GREB1: variants seen among roughly 807,000 people sequenced by gnomAD.
GREB1 encodes protein GREB1.
A neutral mutation model predicts 200.7 loss-of-function variants in GREB1; 106 were observed. The ratio of observed to expected loss-of-function variants is 0.53; its 90% confidence interval spans 0.45 to 0.62. The LOEUF (loss-of-function observed/expected upper bound fraction) is 0.62, where lower values mean the gene tolerates loss of function less well. GREB1 is among the 20% of genes least tolerant of loss of function. GREB1 has a pLI of 0.00. For missense variants in GREB1, 2,243 were observed against 2,556.8 expected (o/e 0.88, Z 2.65); for synonymous variants, 1,132 against 1,092.4 (o/e 1.04, Z -0.72).
Position 11,580,945 on chromosome 2 carries a change from G to A in GREB1, c.901+113G>A. 7.4e-7 allele frequency: 1 copy of A among 1,350,528 alleles called. No individual in the cohort carries two copies. Among genetic ancestry groups the A allele is most frequent in the Non-Finnish European group, 1.0e-6 (1 of 956,056 alleles). 83.7% of individuals were successfully genotyped at this position (1,350,528 alleles called of 1,614,324 possible). A position where few individuals can be genotyped will look rare whatever the true frequency, so the allele number is the denominator to read the frequency against. On this transcript the variant is annotated intron_variant, in intron 7 of 32. Transcript: ENST00000381486. This position sits in a 1 kb window ranked among gnomAD's most constrained non-coding sequence, Gnocchi z 4.5. ...CGCTGAGCCTCCTGGAGTCTGATGT[G>A]GCTTCCATGAGAGTCAGGCCAGGAC...
chr2:11,498,071 C>G (rs1324807474), intron 1 of GREB1, among the ~76,000 whole-genome samples: 1 of 139,486 alleles, frequency 7.2e-6, no homozygotes, highest in Non-Finnish European at 1.5e-5. Flanking sequence ...ACACGGCTCA[C>G]TGCAGCCTCG....
rs1056291334 is a variant in GREB1 at position 11,633,741 on chromosome 2, C to A, written c.4992-390C>A. ...TTAAGAAAGGGACATTGCTGCCCCC[C>A]CAGAAACTCCCTTCCTGCTGCCCCA... On this transcript the variant is annotated intron_variant, in intron 28 of 32. Coordinates refer to ENST00000381486, the MANE Select transcript of GREB1 (RefSeq NM_014668.4). This position sits in a 1 kb window ranked among gnomAD's most constrained non-coding sequence, Gnocchi z 4.1. 6.6e-6 allele frequency among the ~76,000 whole-genome samples: 1 copy of A among 152,124 alleles called. No individual in the cohort carries two copies. Among genetic ancestry groups the A allele is most frequent in the African/African-American group, 2.4e-5 (1 of 41,426 alleles).
In GREB1 at chr2:11,497,971, C is replaced by CT. The variant is rs70955803; in HGVS notation, c.-159+15631dup. 3.0e-3 allele frequency among the ~76,000 whole-genome samples: 122 copies of CT among 40,614 alleles called. 28 individuals are homozygous for CT. The highest frequency in any genetic ancestry group is 4.5e-3 in the Admixed American group (11 of 2,454). The allele number at this position is 40,614 out of a possible 152,430, so 26.6% of individuals were successfully genotyped here. A position where few individuals can be genotyped will look rare whatever the true frequency, so the allele number is the denominator to read the frequency against. ...TAACAGGGTCTTTTGCAGAGCAAAACTTTTTTTTTTTTTTTTTTTTTTTTT... is the reference window on the plus strand; with the variant it reads ...TAACAGGGTCTTTTGCAGAGCAAAACTTTTTTTTTTTTTTTTTTTTTTTTTT... On this transcript the variant is annotated intron_variant, in intron 1 of 2. Transcript: ENST00000628795.
chr2:11,603,900 C>G (rs1682006723), intron 17 of GREB1, among the ~76,000 whole-genome samples: 1 of 152,218 alleles, frequency 6.6e-6, no homozygotes, highest in Admixed American at 6.5e-5. Context: ...ACTGTTATCT[C>G]CCTTTTTCAG....
At position 11,618,447 on chromosome 2, in the gene GREB1, G is replaced by C. The variant is rs369649562; in HGVS notation, c.3572G>C (p.Arg1191Thr). The change falls in exon 22 of 33, where the codon AGG becomes ACG. Residue 1191 changes from arginine to threonine, a missense_variant. Coordinates refer to ENST00000381486, the MANE Select transcript of GREB1 (RefSeq NM_014668.4). ...CAGGGGCCACCCTCGGCCATCAGCA[G>C]GCACAGTCCCGGGCCGACGCCCCAG... is the stretch of plus-strand genomic sequence containing the variant. ...ASQGPPSAIS[R>T]HSPGPTPQPD... 399 of 1,606,080 alleles carry C rather than the reference G, an allele frequency of 2.5e-4. 1 individual carries two copies. In the South Asian group the frequency reaches 2.6e-3, roughly 10 times the overall value.
At chr2:11,636,993 TAGGGACAGAGGCAGGGGC>T (rs1558675961) in intron 30 of GREB1, among the ~76,000 whole-genome samples, 1 of 18,860 alleles carries the variant, frequency 5.3e-5, no homozygotes, top group African/African-American at 1.7e-4. Context: ...TGGGCAGAGG[TAGGGACAGAGGCAGGGGC>T]AGGGACAGAG....
At chr2:11,490,179 A>G (rs1483525144) in intron 1 of GREB1, among the ~76,000 whole-genome samples, 2 of 152,166 alleles carry the variant, frequency 1.3e-5, no homozygotes, top group Non-Finnish European at 2.9e-5. Context: ...CACCCCAGAA[A>G]GAAGCCCCAG....
chr2:11,516,463 C>T (rs1257763680), intron 1 of GREB1, among the ~76,000 whole-genome samples: 1 of 152,152 alleles, frequency 6.6e-6, no homozygotes, highest in Non-Finnish European at 1.5e-5. Flanking sequence ...ACCAGTGCAT[C>T]CTCGAATGTC....
At chr2:11,494,687 C>CTAT (rs1672840601) in intron 1 of GREB1, among the ~76,000 whole-genome samples, 1 of 152,132 alleles carries the variant, frequency 6.6e-6, no homozygotes, top group African/African-American at 2.4e-5. Context: ...CACCTGGAGT[C>CTAT]CTATAGACTC....
chr2:11,502,791 T>C (rs1673083603), intron 1 of GREB1, among the ~76,000 whole-genome samples: 1 of 152,212 alleles, frequency 6.6e-6, no homozygotes. Flanking sequence ...GAGCACTTCA[T>C]ATAGTGATGT....
At chr2:11,495,795 C>CCTTTTT (rs1393933225) in intron 1 of GREB1, among the ~76,000 whole-genome samples, 1 of 140,470 alleles carries the variant, frequency 7.1e-6, no homozygotes, top group African/African-American at 2.7e-5. Context: ...TAAGTCCCCC[C>CCTTTTT]GTTTTTTTTT....
chr2:11,617,665 G>A (rs1466613434), intron 21 of GREB1, among the ~76,000 whole-genome samples: 2 of 152,206 alleles, frequency 1.3e-5, no homozygotes, highest in Non-Finnish European at 2.9e-5. Context: ...GCTCAGGGGC[G>A]AGACGTGCAG....
At position 11,640,215 on chromosome 2, in the gene GREB1, G is replaced by A; in HGVS notation, c.5687-76G>A. The A allele has an allele frequency of 1.4e-6, 2 of 1,439,554 alleles. No individual in the cohort carries two copies. The highest frequency in any genetic ancestry group is 1.3e-5 in the South Asian group (1 of 75,724). 89.2% of individuals were successfully genotyped at this position (1,439,554 alleles called of 1,614,324 possible). A position where few individuals can be genotyped will look rare whatever the true frequency, so the allele number is the denominator to read the frequency against. On this transcript the variant is annotated intron_variant, in intron 32 of 32. Transcript: ENST00000381486. This position sits in a 1 kb window ranked among gnomAD's most constrained non-coding sequence, Gnocchi z 4.6. ...ACAGCGCCCTGTCTTGTCATTGCAA[G>A]TAGAATCCGGGCAGCCGCTTTCCTC...
At chr2:11,589,337 G>A (rs1161957460) in intron 10 of GREB1, among the ~76,000 whole-genome samples, 5 of 152,196 alleles carry the variant, frequency 3.3e-5, no homozygotes, top group African/African-American at 1.2e-4. Context: ...AGGCCTCTGT[G>A]AATAGGAGAC....
chr2:11,589,188 A>G (rs1680482960), intron 10 of GREB1, among the ~76,000 whole-genome samples: 1 of 152,214 alleles, frequency 6.6e-6, no homozygotes, highest in African/African-American at 2.4e-5. Flanking sequence ...ACAGCAGGGA[A>G]TTGAGCAAAG....
intron 1 of GREB1, among the ~76,000 whole-genome samples, chr2:11,550,757 C>T (rs748822949): frequency 1.4e-4 from 22 of 152,172 alleles, no homozygotes; most frequent in Non-Finnish European, 2.9e-4. Context: ...CATATCTTGT[C>T]TGCCGTGATT....
intron 14 of GREB1, 51 bp from the exon 15 acceptor site, chr2:11,598,629 A>G: frequency 6.5e-7 from 1 of 1,544,976 alleles, no homozygotes; most frequent in South Asian, 1.1e-5. Context: ...TGAGTGAATG[A>G]AACCCAGTGC....
chr2:11,510,247 TG>T (rs1490502342), intron 1 of GREB1, among the ~76,000 whole-genome samples: 3 of 152,240 alleles, frequency 2.0e-5, no homozygotes, highest in African/African-American at 7.2e-5. Flanking sequence ...GGTGAGAAGA[TG>T]CCAGAGTGAT....
chr2:11,586,778 G>A (rs35023351), intron 9 of GREB1, among the ~76,000 whole-genome samples: 25,784 of 152,198 alleles, frequency 0.17, 2,679 homozygotes, highest in African/African-American at 0.29. Flanking sequence ...AAAACTGGAC[G>A]GGGTATTCAG....
Sources: gnomAD v4.1 joint callset for allele counts (sites outside exome capture counted in the v4.1 genomes callset) on GRCh38, gnomAD v4.1.1 for gene constraint, Gnocchi (gnomAD v3.1) non-coding constraint, MANE v1.5 for transcripts, NCBI Gene and HGNC (gene_info 2026-07-23, HGNC 2026-07-21) for gene names.